The following NCOA6 variants were observed in gnomAD, a reference collection of about 807,000 sequenced individuals.
The protein encoded by NCOA6 is nuclear receptor coactivator 6.
Under a neutral mutation model 171.4 loss-of-function variants are expected in NCOA6, and 49 were observed. That is an observed-to-expected ratio of 0.29 (90% CI 0.23 to 0.36). NCOA6 has a LOEUF of 0.36. NCOA6 is among the 10% of genes least tolerant of loss of function. The pLI is 1.00. For missense variants in NCOA6, 2,248 were observed against 2,554.5 expected, an observed-to-expected ratio of 0.88 and a Z score of 2.59; for synonymous variants, 910 against 927.5, an observed-to-expected ratio of 0.98 and a Z score of 0.34.
At chr20:34,805,758 G>A (rs1372450191) in intron 1 of NCOA6, among the ~76,000 whole-genome samples, 34 of 150,386 alleles carry the variant, frequency 2.3e-4, no homozygotes, top group Admixed American at 2.3e-3. Context: ...GTATGATCTC[G>A]GCTCACTGCA....
intron 14 of NCOA6, among the ~76,000 whole-genome samples, chr20:34,723,469 G>A (rs1445814590): frequency 2.6e-5 from 4 of 152,172 alleles, no homozygotes; most frequent in African/African-American, 4.8e-5. Flanking sequence ...GAGGTCTTGC[G>A]ACTGATGCGG....
intron 2 of NCOA6, among the ~76,000 whole-genome samples, chr20:34,784,232 TTTTAA>T (rs1403847000): frequency 6.6e-6 from 1 of 152,234 alleles, no homozygotes; most frequent in African/African-American, 2.4e-5. Flanking sequence ...ACTTTTTTTT[TTTTAA>T]TTTATTTTTT....
intron 1 of NCOA6, 52 bp downstream of exon 1, chr20:34,825,420 G>A (rs1441165947): frequency 6.7e-6 from 1 of 149,602 alleles, no homozygotes; most frequent in Non-Finnish European, 1.5e-5. Context: ...GACAAGGACC[G>A]CGGACGCCCG....
At chr20:34,786,965 A>C (rs1568851951) in intron 2 of NCOA6, among the ~76,000 whole-genome samples, 4 of 152,148 alleles carry the variant, frequency 2.6e-5, no homozygotes, top group East Asian at 3.8e-4. Context: ...AAAAAAATTG[A>C]AAGTGGGATC....
At chr20:34,723,439 CAGTT>C (rs760723013) in intron 14 of NCOA6, among the ~76,000 whole-genome samples, 4 of 152,128 alleles carry the variant, frequency 2.6e-5, no homozygotes, top group Non-Finnish European at 4.4e-5. Context: ...TAACCAGAGA[CAGTT>C]AGAGAATGAT....
At chr20:34,792,925 A>G (rs968564092) in intron 1 of NCOA6, among the ~76,000 whole-genome samples, 5 of 151,828 alleles carry the variant, frequency 3.3e-5, no homozygotes, top group Admixed American at 1.3e-4. Flanking sequence ...CCACAGGCGC[A>G]TGCCACCACA....
In NCOA6 at chr20:34,788,251, A is replaced by G. The variant is rs553288391; in HGVS notation, c.-50+4199T>C. ...AGTGCAGTGACACATTTTAGTAGAG[A>G]TGGGGTTTCACCGTGTTGCCCAGGC... On this transcript the variant is annotated intron_variant, in intron 2 of 14. Coordinates refer to ENST00000359003, the MANE Select transcript of NCOA6 (RefSeq NM_014071.5). 2.6e-5 allele frequency among the ~76,000 whole-genome samples: 4 copies of G among 152,062 alleles called. No homozygotes were observed. The East Asian group carries it at 7.7e-4, about 29-fold the overall frequency.
intron 11 of NCOA6, among the ~76,000 whole-genome samples, chr20:34,737,007 G>T (rs2075977973): frequency 6.6e-6 from 1 of 152,106 alleles, no homozygotes; most frequent in African/African-American, 2.4e-5. Context: ...ATAATAAGGG[G>T]AAGAGATGGC....
chr20:34,805,886 C>T (rs2078433106), intron 1 of NCOA6, among the ~76,000 whole-genome samples: 1 of 152,072 alleles, frequency 6.6e-6, no homozygotes, highest in South Asian at 2.1e-4. Context: ...CAGGGTTTCA[C>T]CATAGTAGCC....
intron 5 of NCOA6, among the ~76,000 whole-genome samples, chr20:34,767,751 T>C (rs1039825421): frequency 6.6e-6 from 1 of 152,186 alleles, no homozygotes; most frequent in Non-Finnish European, 1.5e-5. Flanking sequence ...TAAAGGGTCC[T>C]GAAGCTGAAA....
chr20:34,792,221 C>G (rs976364795), intron 2 of NCOA6, among the ~76,000 whole-genome samples: 1 of 151,976 alleles, frequency 6.6e-6, no homozygotes, highest in African/African-American at 2.4e-5. Context: ...TTGTCTTCTA[C>G]AGTGAAACCT....
rs768243717 is a variant in NCOA6, at chr20:34,754,847, G to C, written c.1550C>G (p.Pro517Arg). 1 of 1,614,138 alleles carries C rather than the reference G, an allele frequency of 6.2e-7. No individual in the cohort carries two copies. Among genetic ancestry groups the C allele is most frequent in the South Asian group, 1.1e-5 (1 of 91,076 alleles). The stretch of plus-strand genomic sequence containing the variant: ...ATTGGCCTGTCCTGCTGAGAAGCCA[G>C]GTGGGAGGCGTTTAGGCATTCCTTA... Reference protein sequence around the residue: ...GLGGMPKRLPPGFSAGQANPN... With the variant: ...GLGGMPKRLPRGFSAGQANPN... The change falls in exon 8 of 15, where the codon CCT (proline) becomes CGT (arginine). Residue 517 changes from proline to arginine, a missense_variant. Transcript: ENST00000359003.
chr20:34,810,832 C>A (rs1318551032), intron 1 of NCOA6, among the ~76,000 whole-genome samples: 1 of 152,174 alleles, frequency 6.6e-6, no homozygotes, highest in Non-Finnish European at 1.5e-5. Context: ...GTGTGAGCCA[C>A]CGTGCCCGGA....
chr20:34,741,240 T>C lies in NCOA6; in HGVS notation c.5016A>G (p.Gly1672=). 6.2e-7 allele frequency: 1 copy of C among 1,614,234 alleles called. No homozygotes were observed. The highest frequency in any genetic ancestry group is 8.5e-7 in the Non-Finnish European group (1 of 1,180,042). ...CTGCAGGAATTGTGCTTGGCTGTGA[T>C]CCTTTCATAACCTGAATTATTGAGG... ...NSSSIIQVMK[G]SQPSTIPAAP... The change falls in exon 11 of 15, where the codon GGA becomes GGG. Residue 1672 remains glycine (G), a synonymous_variant. Coordinates refer to ENST00000359003, the MANE Select transcript of NCOA6 (RefSeq NM_014071.5).
In NCOA6 at chr20:34,787,127, A is replaced by G. The variant is rs560377580; in HGVS notation, c.-49-4723T>C. On this transcript the variant is annotated intron_variant, in intron 2 of 14. Transcript: ENST00000359003. Reference sequence around the variant, plus strand: ...AGAAACTTAAACAAATTTATGAAAAAAAAAAAACAACCCCATTAAAAAGTG... The same window carrying G: ...AGAAACTTAAACAAATTTATGAAAAGAAAAAAACAACCCCATTAAAAAGTG... Among the ~76,000 whole-genome samples, 6 of 151,858 alleles carry G rather than the reference A, an allele frequency of 4.0e-5. No homozygotes were observed. In the South Asian group the frequency reaches 1.2e-3, roughly 32 times the overall value.
chr20:34,746,736 T>C (rs910872), intron 10 of NCOA6, 71 bp downstream of exon 10: 1,192,584 of 1,447,258 alleles, frequency 0.82, 493,302 homozygotes, highest in Admixed American at 0.93. Flanking sequence ...ATTGTTTCCT[T>C]GAAGACATGG....
rs183716498 is a variant in NCOA6 at position 34,741,419 on chromosome 20, A to C, written c.4837T>G (p.Ser1613Ala). ...TGCAAGTGAGTTGGCAAAGCTGCTG[A>C]TGTGTTAGCTGAAGTTGTGATGGGA... ...SNPITTSANT[S>A]AALPTHLQSA... The change falls in exon 11 of 15, where the codon TCA (serine) becomes GCA (alanine). Residue 1613 changes from serine to alanine, a missense_variant. Transcript: ENST00000359003. 1.5e-5 allele frequency: 25 copies of C among 1,614,090 alleles called. No homozygotes were observed. The South Asian group carries it at 2.1e-4, about 13-fold the overall frequency.
At position 34,740,228 on chromosome 20, in the gene NCOA6, C is replaced by T. The variant is rs1010390933; in HGVS notation, c.5893+135G>A. ...AAAAGCATATTTTCCAACGTACTTT[C>T]AATAAATAAAACTACTGCTATTGCC... On this transcript the variant is annotated intron_variant, in intron 11 of 14. Coordinates refer to ENST00000359003, the MANE Select transcript of NCOA6 (RefSeq NM_014071.5). The T allele has an allele frequency of 3.2e-5, 39 of 1,208,000 alleles. No individual in the cohort carries two copies. The African/African-American group carries it at 4.0e-4, about 12-fold the overall frequency. 74.8% of individuals were successfully genotyped at this position (1,208,000 alleles called of 1,614,324 possible).
At chr20:34,802,296 A>T (rs1020487720) in intron 1 of NCOA6, among the ~76,000 whole-genome samples, 1 of 152,146 alleles carries the variant, frequency 6.6e-6, no homozygotes, top group Non-Finnish European at 1.5e-5. Flanking sequence ...GAGAAACCTC[A>T]TCTCCACTAA....
Sources: gnomAD v4.1 joint callset for allele counts (sites outside exome capture counted in the v4.1 genomes callset) on GRCh38, gnomAD v4.1.1 for gene constraint, MANE v1.5 for transcripts, NCBI Gene and HGNC (gene_info 2026-07-23, HGNC 2026-07-21) for gene names.